Variants in ATP1B1 observed in about 807,000 individuals in gnomAD.
ATP1B1 encodes sodium/potassium-transporting ATPase subunit beta-1.
ATP1B1 carries 3 observed loss-of-function variants against 39.6 expected under a neutral mutation model. That is an observed-to-expected ratio of 0.08 (90% CI 0.03 to 0.20). The LOEUF (loss-of-function observed/expected upper bound fraction) is 0.20, where lower values mean the gene tolerates loss of function less well. Ranked by LOEUF, ATP1B1 falls within the 10% of genes least tolerant of loss-of-function variation. The pLI is 1.00. For missense variants in ATP1B1, 216 were observed against 371.1 expected (o/e 0.58, Z 3.43); for synonymous variants, 139 against 135.0 (o/e 1.03, Z -0.20).
intron 2 of ATP1B1, among the ~76,000 whole-genome samples, chr1:169,116,617 G>C (rs1027737622): frequency 6.6e-6 from 1 of 152,062 alleles, no homozygotes; most frequent in Non-Finnish European, 1.5e-5. Flanking sequence ...TTGGGAGGCC[G>C]AGGCAGGCAG....
rs866447952 is a variant in ATP1B1, at chr1:169,124,923, C to T, written c.266C>T (p.Ser89Phe). 2 of 1,613,946 alleles carry T rather than the reference C, an allele frequency of 1.2e-6. No individual in the cohort carries two copies. The highest frequency in any genetic ancestry group is 1.1e-5 in the South Asian group (1 of 91,062). Residue 89 changes from serine to phenylalanine, a missense_variant, in exon 3 of 6, where the codon TCC becomes TTC. By Grantham distance (155) the Ser-to-Phe change is radical. Transcript: ENST00000367815. ...QIPQIQKTEISFRPNDPKSYE... is the reference protein window; with the variant it reads ...QIPQIQKTEIFFRPNDPKSYE... Reference sequence around the variant, plus strand: ...CCTCAGATCCAGAAGACTGAAATTTCCTTTCGTCCTAATGATCCCAAGAGC... The same window carrying T: ...CCTCAGATCCAGAAGACTGAAATTTTCTTTCGTCCTAATGATCCCAAGAGC...
At chr1:169,127,558 C>A (rs1658114520) in intron 4 of ATP1B1, 150 bp downstream of exon 4, 7 of 759,890 alleles carry the variant, frequency 9.2e-6, no homozygotes, top group South Asian at 8.1e-5. Context: ...ACTTCTGTAT[C>A]CACCCTGCAA....
intron 2 of ATP1B1, among the ~76,000 whole-genome samples, chr1:169,118,736 A>G (rs1657910702): frequency 2.0e-5 from 3 of 152,098 alleles, no homozygotes; most frequent in South Asian, 4.1e-4. Context: ...AAAATTGGAA[A>G]TTACTTTTCA....
intron 4 of ATP1B1, among the ~76,000 whole-genome samples, chr1:169,128,663 G>A (rs1292692976): frequency 6.6e-6 from 1 of 152,228 alleles, no homozygotes; most frequent in African/African-American, 2.4e-5. Flanking sequence ...ACTTCACTGA[G>A]ATCAATCAGC....
At chr1:169,111,224 G>T in intron 1 of ATP1B1, 146 bp from the exon 2 acceptor site, 1 of 1,073,002 alleles carries the variant, frequency 9.3e-7, no homozygotes. Flanking sequence ...GTGTCAGTGG[G>T]GTGAGGTGCA....
At chr1:169,130,779 CAAAAAAAAAAAAA>C (rs57542049) in intron 5 of ATP1B1, among the ~76,000 whole-genome samples, 1 of 73,994 alleles carries the variant, frequency 1.4e-5, no homozygotes, top group Non-Finnish European at 2.4e-5. Context: ...AAGACTATCT[CAAAAAAAAAAAAA>C]AAAAAAAAAA....
chr1:169,108,846 G>A lies in ATP1B1; in HGVS notation c.97+1920G>A, dbSNP rs141406401. The stretch of plus-strand genomic sequence containing the variant: ...CCATGTTCCACGGTACAGGTGCTGG[G>A]CTAAAAATCCCCTTTTTGTTTTGTG... On this transcript the variant is annotated intron_variant, in intron 1 of 5. Coordinates refer to ENST00000367815, the MANE Select transcript of ATP1B1 (RefSeq NM_001677.4). Among the ~76,000 whole-genome samples the A allele has an allele frequency of 3.1e-3, 478 of 152,264 alleles. 2 individuals carry two copies. The highest frequency in any genetic ancestry group is 0.011 in the African/African-American group (451 of 41,536).
chr1:169,111,573 T>G (rs1023683251), intron 2 of ATP1B1, 75 bp downstream of exon 2: 1 of 1,554,882 alleles, frequency 6.4e-7, no homozygotes, highest in Non-Finnish European at 8.7e-7. Flanking sequence ...GAAAAAATTC[T>G]TTGGAAAATT....
At chr1:169,125,627 C>T (rs1401090080) in intron 3 of ATP1B1, among the ~76,000 whole-genome samples, 1 of 152,146 alleles carries the variant, frequency 6.6e-6, no homozygotes, top group African/African-American at 2.4e-5. Context: ...CATGTCCTCA[C>T]TCTTACTACC....
At chr1:169,111,576 G>C in intron 2 of ATP1B1, 78 bp downstream of exon 2, 1 of 1,547,066 alleles carries the variant, frequency 6.5e-7, no homozygotes, top group Non-Finnish European at 8.8e-7. Flanking sequence ...AAAATTCTTT[G>C]GAAAATTACT....
At chr1:169,124,483 A>G (rs996675073) in intron 2 of ATP1B1, among the ~76,000 whole-genome samples, 10 of 152,230 alleles carry the variant, frequency 6.6e-5, no homozygotes, top group African/African-American at 2.4e-4. Context: ...GCTAGCTAGC[A>G]GGGTATTTTA....
At chr1:169,128,984 C>T (rs1433247265) in intron 4 of ATP1B1, among the ~76,000 whole-genome samples, 2 of 152,110 alleles carry the variant, frequency 1.3e-5, no homozygotes, top group African/African-American at 4.8e-5. Context: ...TTATTTTTGT[C>T]AGAGATCAGA....
rs768577639 is a variant in ATP1B1, at chr1:169,125,059, A to G, written c.382+20A>G. 1.3e-6 allele frequency: 2 copies of G among 1,578,186 alleles called. No individual in the cohort carries two copies. Among genetic ancestry groups the G allele is most frequent in the Non-Finnish European group, 1.7e-6 (2 of 1,164,290 alleles). ...GTGGCGGTAAGTAGACTCATTGTAG[A>G]TGTCTGTGGCTAGTTTTCTTTCTCT... On this transcript the variant is annotated intron_variant, in intron 3 of 5. Coordinates refer to ENST00000367815, the MANE Select transcript of ATP1B1 (RefSeq NM_001677.4).
At chr1:169,117,757 T>A (rs572617621) in intron 2 of ATP1B1, among the ~76,000 whole-genome samples, 2 of 152,316 alleles carry the variant, frequency 1.3e-5, no homozygotes. Flanking sequence ...ATGCTAGTAA[T>A]CTGATGACCA....
At chr1:169,125,176 CT>C in intron 3 of ATP1B1, 137 bp downstream of exon 3, 1 of 1,168,746 alleles carries the variant, frequency 8.6e-7, no homozygotes, top group Non-Finnish European at 1.2e-6. Flanking sequence ...TATTTAGACA[CT>C]TTTTTTAAAA....
At chr1:169,109,220 CTGTT>C (rs752142881) in intron 1 of ATP1B1, among the ~76,000 whole-genome samples, 9 of 152,184 alleles carry the variant, frequency 5.9e-5, no homozygotes, top group East Asian at 1.9e-4. Flanking sequence ...AGGGTACACA[CTGTT>C]TGTTTGTTCA....
Position 169,106,938 on chromosome 1 carries a change from G to T in ATP1B1, c.97+12G>T, listed in dbSNP as rs1657604630. 5 of 1,570,810 alleles carry T rather than the reference G, an allele frequency of 3.2e-6. No homozygotes were observed. Among genetic ancestry groups the T allele is most frequent in the Non-Finnish European group, 4.3e-6 (5 of 1,160,730 alleles). On this transcript the variant is annotated intron_variant, in intron 1 of 5. Transcript: ENST00000367815. ...CGGTGGCAGTTGGTGTAAGTACGGG[G>T]TCCGCAGCTCCCGGCCGCCGCGTCT...
Position 169,106,694 on chromosome 1 carries a change from C to G in ATP1B1, c.-136C>G, listed in dbSNP as rs978454493. The G allele has an allele frequency of 3.2e-6, 2 of 626,640 alleles. No individual in the cohort carries two copies. 38.8% of individuals were successfully genotyped at this position (626,640 alleles called of 1,614,324 possible). A position where few individuals can be genotyped will look rare whatever the true frequency, so the allele number is the denominator to read the frequency against. On this transcript the variant is annotated 5_prime_UTR_variant, in exon 1 of 6. Coordinates refer to ENST00000367815, the MANE Select transcript of ATP1B1 (RefSeq NM_001677.4). ...CTCCTCCGCCGCGCGTCTCGCACTCCGAGAGCCGCAGCGGCAGCGGCGCGT... is the reference window on the plus strand; with the variant it reads ...CTCCTCCGCCGCGCGTCTCGCACTCGGAGAGCCGCAGCGGCAGCGGCGCGT...
intron 2 of ATP1B1, among the ~76,000 whole-genome samples, chr1:169,120,533 G>T (rs548028775): frequency 6.6e-6 from 1 of 152,276 alleles, no homozygotes; most frequent in African/African-American, 2.4e-5. Context: ...AGAGGCTTTG[G>T]CCTAGGGTCT....
Sources: gnomAD v4.1 joint callset for allele counts (sites outside exome capture counted in the v4.1 genomes callset) on GRCh38, gnomAD v4.1.1 for gene constraint, MANE v1.5 for transcripts, NCBI Gene and HGNC (gene_info 2026-07-23, HGNC 2026-07-21) for gene names.